The following NCKAP1 variants were observed in gnomAD, a reference collection of about 807,000 sequenced individuals.
NCKAP1 encodes the protein nck-associated protein 1.
Under a neutral mutation model 151.2 loss-of-function variants are expected in NCKAP1, and 21 were observed. The ratio of observed to expected loss-of-function variants is 0.14; its 90% CI spans 0.10 to 0.20. NCKAP1 has a LOEUF of 0.20. Ranked by LOEUF, NCKAP1 falls within the 10% of genes least tolerant of loss-of-function variation. The pLI is 1.00. For missense variants in NCKAP1, 933 were observed against 1,352.1 expected, an observed-to-expected ratio of 0.69 and a Z score of 4.86; for synonymous variants, 484 against 451.8, an observed-to-expected ratio of 1.07 and a Z score of -0.90.
intron 18 of NCKAP1, among the ~76,000 whole-genome samples, chr2:182,960,844 G>A (rs1298741324): frequency 6.6e-6 from 1 of 152,086 alleles, no homozygotes; most frequent in African/African-American, 2.4e-5. Flanking sequence ...CTGACAAAGG[G>A]CTAATATCCA....
intron 22 of NCKAP1, 128 bp from the exon 23 acceptor site, chr2:182,952,630 AAGAG>A: frequency 9.2e-7 from 1 of 1,089,452 alleles, no homozygotes; most frequent in Non-Finnish European, 1.3e-6. Flanking sequence ...TCTAGAGTGA[AAGAG>A]AGAATACAAA....
chr2:182,960,389 G>C (rs1160526554), intron 18 of NCKAP1, among the ~76,000 whole-genome samples: 4 of 152,300 alleles, frequency 2.6e-5, no homozygotes, highest in South Asian at 2.1e-4. Context: ...CAGAGATATA[G>C]ACCAATGGAA....
chr2:183,020,530 TA>T (rs1436798933), intron 2 of NCKAP1, among the ~76,000 whole-genome samples: 18 of 151,842 alleles, frequency 1.2e-4, no homozygotes, highest in African/African-American at 4.1e-4. Flanking sequence ...AATCTGTTTT[TA>T]TGAGTACCTT....
intron 10 of NCKAP1, among the ~76,000 whole-genome samples, chr2:182,985,027 T>C (rs558789829): frequency 6.6e-6 from 1 of 152,228 alleles, no homozygotes; most frequent in South Asian, 2.1e-4. Context: ...TTTCTGCAAG[T>C]CTAGAGAGGA....
At chr2:183,037,805 G>A (rs985433533) in intron 1 of NCKAP1, among the ~76,000 whole-genome samples, 187 bp downstream of exon 1, 2 of 151,954 alleles carry the variant, frequency 1.3e-5, no homozygotes, top group Non-Finnish European at 2.9e-5. Flanking sequence ...GCGAACCACA[G>A]GGAGAGGCGC....
chr2:182,994,549 G>A (rs1037608785), intron 8 of NCKAP1, among the ~76,000 whole-genome samples: 1 of 151,836 alleles, frequency 6.6e-6, no homozygotes, highest in African/African-American at 2.4e-5. Context: ...TGAGACACGA[G>A]AACTGCTTGA....
At chr2:182,980,318 A>G (rs1320771262) in intron 13 of NCKAP1, among the ~76,000 whole-genome samples, 1 of 151,958 alleles carries the variant, frequency 6.6e-6, no homozygotes, top group Non-Finnish European at 1.5e-5. Flanking sequence ...AAAAAATTAC[A>G]TGAACAATTT....
intron 9 of NCKAP1, among the ~76,000 whole-genome samples, chr2:182,988,519 T>C (rs890358429): frequency 6.6e-6 from 1 of 152,174 alleles, no homozygotes; most frequent in Non-Finnish European, 1.5e-5. Context: ...AGATAATTAT[T>C]TGCTGAACTG....
In NCKAP1 at chr2:182,941,987, T is replaced by G. The variant is rs1697004978; in HGVS notation, c.2695+83A>C. 11 of 1,100,648 alleles carry G rather than the reference T, an allele frequency of 1.0e-5. No individual in the cohort carries two copies. In the South Asian group the frequency reaches 1.2e-4, roughly 12 times the overall value. 68.2% of individuals were successfully genotyped at this position (1,100,648 alleles called of 1,614,324 possible). ...ACTTTTCATAATTTACTACTTGTATTTATGTTACAAATTTTGAGCCAAAGC... is the reference window on the plus strand; with the variant it reads ...ACTTTTCATAATTTACTACTTGTATGTATGTTACAAATTTTGAGCCAAAGC... On this transcript the variant is annotated intron_variant, in intron 24 of 30. Transcript: ENST00000361354.
chr2:183,035,294 A>C (rs1179154905), intron 1 of NCKAP1, among the ~76,000 whole-genome samples: 2 of 152,074 alleles, frequency 1.3e-5, no homozygotes, highest in African/African-American at 2.4e-5. Flanking sequence ...AAAAAAAAAA[A>C]ACATTCTTCA....
intron 2 of NCKAP1, among the ~76,000 whole-genome samples, chr2:183,016,688 A>G (rs1177433167): frequency 1.3e-5 from 2 of 152,222 alleles, no homozygotes; most frequent in Non-Finnish European, 2.9e-5. Flanking sequence ...ATGCCAGTCA[A>G]GAGGGATTCA....
At chr2:183,035,848 C>T (rs1387282000) in intron 1 of NCKAP1, among the ~76,000 whole-genome samples, 1 of 152,118 alleles carries the variant, frequency 6.6e-6, no homozygotes, top group Non-Finnish European at 1.5e-5. Context: ...GTAATTCATT[C>T]ATTTCAACCT....
At chr2:182,930,455 C>A (rs574006651) in intron 27 of NCKAP1, among the ~76,000 whole-genome samples, 18 of 152,128 alleles carry the variant, frequency 1.2e-4, no homozygotes, top group African/African-American at 4.3e-4. Flanking sequence ...CCTGGATCCT[C>A]TTCACTGCTG....
rs371339321 is a variant in NCKAP1 at position 183,019,006 on chromosome 2, G to T, written c.219+4800C>A. On this transcript the variant is annotated intron_variant, in intron 2 of 30. Coordinates refer to ENST00000361354, the MANE Select transcript of NCKAP1 (RefSeq NM_013436.5). ...TAATTCTATGTTCCTTGGGAGAGGG[G>T]ATAAATAATATCTATAACATAAAAG... Among the ~76,000 whole-genome samples the T allele has an allele frequency of 3.4e-4, 51 of 152,208 alleles. 1 individual carries two copies. The East Asian group carries it at 8.5e-3, about 25-fold the overall frequency.
rs1696531194 is a variant in NCKAP1 at position 182,920,394 on chromosome 2, T to C, written c.*5308A>G. 1 of 152,220 alleles carries C rather than the reference T, an allele frequency of 6.6e-6. No individual in the cohort carries two copies. The highest frequency in any genetic ancestry group is 1.5e-5 in the Non-Finnish European group (1 of 68,040). The allele number at this position is 152,220 out of a possible 1,614,324, so 9.4% of individuals were successfully genotyped here. A position where few individuals can be genotyped will look rare whatever the true frequency, so the allele number is the denominator to read the frequency against. On this transcript the variant is annotated 3_prime_UTR_variant, in exon 31 of 31. Transcript: ENST00000361354. ...ACATAGACATTCAGAAGCAACACTGTCATCTTGAGAGCCACATCATTCCAG... is the reference window on the plus strand; with the variant it reads ...ACATAGACATTCAGAAGCAACACTGCCATCTTGAGAGCCACATCATTCCAG...
intron 6 of NCKAP1, among the ~76,000 whole-genome samples, chr2:183,001,736 C>A (rs1698378026): frequency 1.3e-5 from 2 of 152,122 alleles, no homozygotes; most frequent in Admixed American, 1.3e-4. Flanking sequence ...ATCTAAAAAA[C>A]TATAATGAAA....
At chr2:182,941,689 C>T (rs1482933551) in intron 24 of NCKAP1, among the ~76,000 whole-genome samples, 4 of 152,152 alleles carry the variant, frequency 2.6e-5, no homozygotes, top group Non-Finnish European at 5.9e-5. Flanking sequence ...TTAAATGGTA[C>T]ATTTTATTGT....
Position 182,922,218 on chromosome 2 carries a change from C to T in NCKAP1, c.*3484G>A, listed in dbSNP as rs956713083. On this transcript the variant is annotated 3_prime_UTR_variant, in exon 31 of 31. Transcript: ENST00000361354. Reference sequence around the variant, plus strand: ...GAATGGGCATGGATCATGTACTAATCAGTAGGTTACAATTCACTACCTTAC... The same window carrying T: ...GAATGGGCATGGATCATGTACTAATTAGTAGGTTACAATTCACTACCTTAC... 1.3e-5 allele frequency: 2 copies of T among 152,212 alleles called. No individual in the cohort carries two copies. Among genetic ancestry groups the T allele is most frequent in the African/African-American group, 4.8e-5 (2 of 41,462 alleles). 9.4% of individuals were successfully genotyped at this position (152,212 alleles called of 1,614,324 possible). A position where few individuals can be genotyped will look rare whatever the true frequency, so the allele number is the denominator to read the frequency against.
chr2:182,934,111 T>C (rs1696822473), intron 26 of NCKAP1, among the ~76,000 whole-genome samples: 1 of 152,106 alleles, frequency 6.6e-6, no homozygotes, highest in Non-Finnish European at 1.5e-5. Flanking sequence ...TTTCATTGTA[T>C]TTAAAACGAC....
Sources: allele counts gnomAD v4.1 joint callset (sites outside exome capture counted in the v4.1 genomes callset), GRCh38; gene constraint gnomAD v4.1.1; transcripts MANE v1.5; gene names NCBI Gene and HGNC (gene_info 2026-07-23, HGNC 2026-07-21).